The following FAM110B variants were observed in gnomAD, a reference collection of about 807,000 sequenced individuals.
FAM110B encodes family with sequence similarity 110 member B.
FAM110B carries 6 observed loss-of-function variants against 20.4 expected under a neutral mutation model. The ratio of observed to expected loss-of-function variants is 0.29; its 90% CI spans 0.16 to 0.58. The LOEUF is 0.58. FAM110B is among the 20% of genes least tolerant of loss of function. The pLI, the probability that FAM110B is intolerant of heterozygous loss-of-function variation, is 0.90. For missense variants in FAM110B, 434 were observed against 498.2 expected (o/e 0.87, Z 1.23); for synonymous variants, 226 against 214.1 (o/e 1.06, Z -0.49).
chr8:58,058,132 C>G (rs535370184), intron 2 of FAM110B, among the ~76,000 whole-genome samples: 11 of 152,340 alleles, frequency 7.2e-5, no homozygotes, highest in African/African-American at 2.6e-4. Flanking sequence ...TTCACCTTCT[C>G]TCCTCTTTTG....
At position 58,142,325 on chromosome 8, in the gene FAM110B, G is replaced by A. The variant is rs190323059; in HGVS notation, c.-324-3582G>A. ...TCACCTGGGATCTGGTGAGAAATGC[G>A]TAATCTGGGTCTCACCCGAAATCTA... On this transcript the variant is annotated intron_variant, in intron 3 of 3. Coordinates refer to ENST00000519262, the MANE Select transcript of FAM110B (RefSeq NM_001377989.1). 1.3e-3 allele frequency among the ~76,000 whole-genome samples: 195 copies of A among 152,276 alleles called. 1 individual carries two copies. The highest frequency in any genetic ancestry group is 3.4e-3 in the Middle Eastern group (1 of 294).
intron 3 of FAM110B, among the ~76,000 whole-genome samples, chr8:58,140,789 C>T (rs1349838572): frequency 6.6e-6 from 1 of 152,212 alleles, no homozygotes; most frequent in Non-Finnish European, 1.5e-5. Flanking sequence ...GGGATGCCCT[C>T]GCCTCCTGGG....
chr8:58,077,442 G>T (rs1054263687), intron 3 of FAM110B, among the ~76,000 whole-genome samples: 2 of 152,192 alleles, frequency 1.3e-5, no homozygotes, highest in Non-Finnish European at 2.9e-5. Context: ...TGCTCACCAG[G>T]ATGGCTGCTG....
intron 2 of FAM110B, among the ~76,000 whole-genome samples, chr8:58,063,847 C>T (rs1048026074): frequency 1.1e-4 from 16 of 151,960 alleles, no homozygotes; most frequent in African/African-American, 3.6e-4. Context: ...TTTGTTTTTG[C>T]CTTATAAAGG....
At chr8:58,113,096 G>C (rs557692896) in intron 3 of FAM110B, 12 of 152,048 alleles carry the variant, frequency 7.9e-5, no homozygotes, top group Non-Finnish European at 1.5e-4. Context: ...CATGGGGGGG[G>C]GCTCTGCCCT....
intron 1 of FAM110B, among the ~76,000 whole-genome samples, chr8:57,996,053 T>C (rs1804179192): frequency 6.6e-6 from 1 of 152,240 alleles, no homozygotes; most frequent in African/African-American, 2.4e-5. Context: ...TATTAATTTC[T>C]TGTACTCATT....
chr8:58,117,463 C>T (rs535536937), intron 3 of FAM110B, among the ~76,000 whole-genome samples: 2 of 152,302 alleles, frequency 1.3e-5, no homozygotes, highest in African/African-American at 4.8e-5. Flanking sequence ...CTCAGCACCT[C>T]AATTTCTTCC....
At chr8:58,139,505 G>T (rs1467107888) in intron 3 of FAM110B, among the ~76,000 whole-genome samples, 1 of 152,012 alleles carries the variant, frequency 6.6e-6, no homozygotes, top group Non-Finnish European at 1.5e-5. Flanking sequence ...AGTCTTTTTT[G>T]GTCAGCCTTT....
intron 2 of FAM110B, among the ~76,000 whole-genome samples, chr8:58,051,062 TAC>T (rs1265119626): frequency 1.3e-5 from 2 of 152,344 alleles, no homozygotes; most frequent in Admixed American, 1.3e-4. Flanking sequence ...GTTCTTAATT[TAC>T]AGTCAGTAGG....
intron 2 of FAM110B, among the ~76,000 whole-genome samples, chr8:58,052,682 G>A (rs1805471103): frequency 6.6e-6 from 1 of 151,182 alleles, no homozygotes; most frequent in Non-Finnish European, 1.5e-5. Context: ...ATAGGGTAGC[G>A]ATTTTAGAGA....
intron 2 of FAM110B, among the ~76,000 whole-genome samples, chr8:58,045,731 T>C (rs1281854083): frequency 6.6e-6 from 1 of 152,220 alleles, no homozygotes; most frequent in South Asian, 2.1e-4. Flanking sequence ...TTTCATCTTA[T>C]GAAAAACAAA....
At chr8:58,121,217 T>C (rs939103795) in intron 3 of FAM110B, among the ~76,000 whole-genome samples, 9 of 152,312 alleles carry the variant, frequency 5.9e-5, no homozygotes, top group African/African-American at 1.4e-4. Context: ...CAGAGGCCCA[T>C]TGATCTCTGT....
intron 1 of FAM110B, among the ~76,000 whole-genome samples, 193 bp downstream of exon 1, chr8:57,994,999 C>A (rs1359564206): frequency 6.6e-6 from 1 of 152,144 alleles, no homozygotes; most frequent in African/African-American, 2.4e-5. Context: ...GCCTCACTGG[C>A]CCAGGCGGAC....
intron 3 of FAM110B, among the ~76,000 whole-genome samples, chr8:58,114,949 T>C (rs1288681644): frequency 6.6e-6 from 1 of 151,858 alleles, no homozygotes; most frequent in African/African-American, 2.4e-5. Context: ...TTCGCTGGAA[T>C]CAGACCACTA....
chr8:58,103,432 T>C (rs1806834187), intron 3 of FAM110B, among the ~76,000 whole-genome samples: 4 of 152,050 alleles, frequency 2.6e-5, no homozygotes, highest in Non-Finnish European at 5.9e-5. Context: ...GTTTGGTTTT[T>C]TGTTCTTGCG....
chr8:58,050,991 G>C (rs1805429304), intron 2 of FAM110B, among the ~76,000 whole-genome samples: 1 of 152,126 alleles, frequency 6.6e-6, no homozygotes, highest in African/African-American at 2.4e-5. Context: ...CTCTCTTCTT[G>C]TTTAACCTTA....
intron 2 of FAM110B, among the ~76,000 whole-genome samples, chr8:58,071,350 C>T (rs539818098): frequency 6.6e-6 from 1 of 152,266 alleles, no homozygotes; most frequent in East Asian, 1.9e-4. Context: ...CTTCCCATAT[C>T]AGACTGTAGA....
At chr8:58,059,103 C>G (rs917728991) in intron 2 of FAM110B, among the ~76,000 whole-genome samples, 1 of 152,142 alleles carries the variant, frequency 6.6e-6, no homozygotes, top group African/African-American at 2.4e-5. Context: ...ATTCATCTTC[C>G]TCTTATATCA....
rs916690124 is a variant in FAM110B, at chr8:58,098,191, T to G, written c.-325+22568T>G. ...CTGTCCCAGGGAGATGGGAGTTTTA[T>G]CTGTAAGCCCCTGACTGGGGCTGCT... On this transcript the variant is annotated intron_variant, in intron 3 of 3. Coordinates refer to ENST00000519262, the MANE Select transcript of FAM110B (RefSeq NM_001377989.1). Among the ~76,000 whole-genome samples the G allele has an allele frequency of 2.0e-5, 3 of 152,216 alleles. No homozygotes were observed. In the East Asian group the frequency reaches 5.8e-4, roughly 29 times the overall value.
Sources: gnomAD v4.1 joint callset for allele counts (sites outside exome capture counted in the v4.1 genomes callset) on GRCh38, gnomAD v4.1.1 for gene constraint, MANE v1.5 for transcripts, NCBI Gene and HGNC (gene_info 2026-07-23, HGNC 2026-07-21) for gene names.